The following NOTCH3 variants were observed in gnomAD, a reference collection of about 807,000 sequenced individuals.
The protein encoded by NOTCH3 is notch receptor 3.
In NOTCH3, 86 loss-of-function variants were observed where a neutral mutation model predicts 213.3. The ratio of observed to expected loss-of-function variants is 0.40; its 90% CI spans 0.34 to 0.48. The LOEUF (loss-of-function observed/expected upper bound fraction) is 0.48. Among genes scored for constraint, NOTCH3 ranks in the 20% least tolerant of loss-of-function variants. The pLI, the probability that NOTCH3 is intolerant of heterozygous loss-of-function variation, is 0.57. For synonymous variants in NOTCH3, 1,354 were observed against 1,355.9 expected (o/e 1.00, Z 0.03); for missense variants, 2,783 against 3,272.6 (o/e 0.85, Z 3.65).
Position 15,187,121 on chromosome 19 carries a change from G to A in NOTCH3, c.1824C>T (p.Cys608=), listed in dbSNP as rs1351272199. 1.2e-6 allele frequency: 2 copies of A among 1,614,026 alleles called. No individual in the cohort carries two copies. The highest frequency in any genetic ancestry group is 1.7e-6 in the Non-Finnish European group (2 of 1,179,984). Residue 608 remains cysteine (C), a synonymous_variant, in exon 11 of 33, where the codon TGC becomes TGT. Coordinates refer to ENST00000263388, the MANE Select transcript of NOTCH3 (RefSeq NM_000435.3). Reference sequence around the variant, plus strand: ...CGGTCCCACCTGTGGTCCCAGAAGGGCAGCGGCAGAGGTACTTGTCCACCA... The same window carrying A: ...CGGTCCCACCTGTGGTCCCAGAAGGACAGCGGCAGAGGTACTTGTCCACCA... The part of the protein sequence containing the change: ...LDLVDKYLCR[C]PSGTTGVNCE...
rs1458404732 is a variant in NOTCH3 at position 15,160,866 on chromosome 19, G to C, written c.6762C>G (p.His2254Gln). Residue 2254 changes from histidine (H) to glutamine (Q), a missense_variant, in exon 33 of 33, where the codon CAC (histidine) becomes CAG (glutamine). Transcript: ENST00000263388. Reference protein sequence around the residue: ...YLTPSPESPEHWASPSPPSLS... With the variant: ...YLTPSPESPEQWASPSPPSLS... ...GGGAGGGAGGTGAGGGGCTGGCCCA[G>C]TGCTCAGGGGATTCGGGGGATGGGG... 6.2e-7 allele frequency: 1 copy of C among 1,613,912 alleles called. No individual in the cohort carries two copies. Among genetic ancestry groups the C allele is most frequent in the Non-Finnish European group, 8.5e-7 (1 of 1,179,858 alleles).
intron 31 of NOTCH3, among the ~76,000 whole-genome samples, chr19:15,164,207 A>G (rs977552334): frequency 2.8e-5 from 4 of 143,328 alleles, no homozygotes; most frequent in Non-Finnish European, 6.0e-5. Context: ...CATGTTAATT[A>G]TATCTCAATA....
chr19:15,181,655 C>A lies in NOTCH3; in HGVS notation c.2713G>T (p.Val905Leu). Reference protein sequence around the residue: ...PCGPGTCTDHVASFTCTCPPG... With the variant: ...PCGPGTCTDHLASFTCTCPPG... The stretch of plus-strand genomic sequence containing the variant: ...GGGCAGGTGCAGGTGAAGGAGGCCA[C>A]GTGGTCGGTACAGGTGCCCGGGCCG... Residue 905 changes from valine (V) to leucine (L), a missense_variant, in exon 17 of 33, where the codon GTG becomes TTG. This residue lies in a region of NOTCH3 where 861 missense variants were observed against 909.1 expected (regional missense o/e 0.95). Transcript: ENST00000263388. 1.3e-6 allele frequency: 2 copies of A among 1,552,770 alleles called. No individual in the cohort carries two copies. Among genetic ancestry groups the A allele is most frequent in the Non-Finnish European group, 1.7e-6 (2 of 1,147,866 alleles).
Position 15,181,170 on chromosome 19 carries a change from G to T in NOTCH3, c.2793-8C>A, listed in dbSNP as rs960266832. The T allele has an allele frequency of 9.3e-6, 15 of 1,608,888 alleles. No homozygotes were observed. The highest frequency in any genetic ancestry group is 1.3e-5 in the Non-Finnish European group (15 of 1,178,294). On this transcript the variant is annotated splice_region_variant and splice_polypyrimidine_tract_variant and intron_variant, in intron 17 of 32. Transcript: ENST00000263388. ...CCGCCATTGAAGCAGGAGCTGGAGC[G>T]GAAGGAGTGGGAGGGAGGATCAGGC...
chr19:15,174,825 C>T (rs563792439), intron 24 of NOTCH3, among the ~76,000 whole-genome samples: 1 of 152,248 alleles, frequency 6.6e-6, no homozygotes, highest in African/African-American at 2.4e-5. Context: ...CCACCTGCCT[C>T]GGCCTCCCAA....
chr19:15,184,962 C>A lies in NOTCH3; in HGVS notation c.2354G>T (p.Arg785Leu). ...CTPNPCEHGGRCESAPGQLPV... is the reference protein window; with the variant it reads ...CTPNPCEHGGLCESAPGQLPV... ...CAGCTGGCCAGGGGCAGACTCGCAG[C>A]GGCCCCCATGCTCACAGGGGTTCGG... The change falls in exon 15 of 33, where the codon CGC (arginine) becomes CTC (leucine). Residue 785 changes from arginine (R) to leucine (L), a missense_variant. By Grantham distance (102) the Arg-to-Leu change is moderately radical. Around this residue, in one of 6 missense-constraint regions of NOTCH3, gnomAD observed 861 missense variants for 909.1 expected, o/e 0.95. Coordinates refer to ENST00000263388, the MANE Select transcript of NOTCH3 (RefSeq NM_000435.3). 10 of 1,547,870 alleles carry A rather than the reference C, an allele frequency of 6.5e-6. No individual in the cohort carries two copies. Among genetic ancestry groups the A allele is most frequent in the Non-Finnish European group, 8.7e-6 (10 of 1,145,122 alleles).
rs750631177 is a variant in NOTCH3, at chr19:15,160,927, C to T, written c.6701G>A (p.Arg2234His). ...GTGCTCACTGGGAACCCGCAGGAAG[C>T]GGGCCTTTGGGGGGCTGCTGTGTGC... Reference protein sequence around the residue: ...AGAHSSPPKARFLRVPSEHPY... With the variant: ...AGAHSSPPKAHFLRVPSEHPY... Residue 2234 changes from arginine (R) to histidine (H), a missense_variant, in exon 33 of 33, where the codon CGC becomes CAC. Physicochemically the swap from Arg to His is conservative, Grantham distance 29. Transcript: ENST00000263388. 2.7e-5 allele frequency: 43 copies of T among 1,603,308 alleles called. 1 individual carries two copies. The South Asian group carries it at 3.1e-4, about 12-fold the overall frequency.
chr19:15,176,934 T>C (rs1228199888), intron 24 of NOTCH3, among the ~76,000 whole-genome samples: 2 of 149,956 alleles, frequency 1.3e-5, no homozygotes, highest in Non-Finnish European at 3.0e-5. Flanking sequence ...AAGCCAGGCG[T>C]GGTGGCAGGT....
Position 15,191,777 on chromosome 19 carries a change from G to T in NOTCH3, c.770C>A (p.Thr257Asn). The T allele has an allele frequency of 1.2e-6, 2 of 1,613,932 alleles. No individual in the cohort carries two copies. Among genetic ancestry groups the T allele is most frequent in the Non-Finnish European group, 8.5e-7 (1 of 1,180,032 alleles). ...CTCAGGAGGGCACTGGCAGTTATAG[G>T]TGTTGACGCCATCCACGCATGTCCC... ...NGGTCVDGVN[T>N]YNCQCPPEWT... The change falls in exon 5 of 33, where the codon ACC becomes AAC. Residue 257 changes from threonine to asparagine, a missense_variant. Transcript: ENST00000263388.
At position 15,160,650 on chromosome 19, in the gene NOTCH3, C is replaced by T. The variant is rs923166130; in HGVS notation, c.*12G>A. On this transcript the variant is annotated 3_prime_UTR_variant, in exon 33 of 33. Transcript: ENST00000263388. Reference sequence around the variant, plus strand: ...TCTTTAGGCCCCCAAGATCTAAGAACTGACGAGCGTCTCAGGCCAACACTT... The same window carrying T: ...TCTTTAGGCCCCCAAGATCTAAGAATTGACGAGCGTCTCAGGCCAACACTT... 2 of 1,609,040 alleles carry T rather than the reference C, an allele frequency of 1.2e-6. No homozygotes were observed. Among genetic ancestry groups the T allele is most frequent in the African/African-American group, 1.3e-5 (1 of 74,802 alleles).
intron 31 of NOTCH3, among the ~76,000 whole-genome samples, chr19:15,163,732 G>A (rs1351759205): frequency 6.6e-6 from 1 of 152,150 alleles, no homozygotes; most frequent in Admixed American, 6.5e-5. Flanking sequence ...TCAGGAGGGT[G>A]GGATGGGAGG....
chr19:15,169,727 C>CA (rs1301276612), intron 28 of NOTCH3, among the ~76,000 whole-genome samples: 2 of 152,116 alleles, frequency 1.3e-5, no homozygotes, highest in African/African-American at 4.8e-5. Flanking sequence ...CCATGCTGGA[C>CA]AAAATAGGAA....
rs560752299 is a variant in NOTCH3, at chr19:15,185,665, C to G, written c.1966G>C (p.Val656Leu). ...CTGGAAGCACACTCATTGATCTCCA[C>G]GTTACAAAGGGGCCCTGGGGAGTAC... ...QPGFTGPLCN[V>L]EINECASSPC... The change falls in exon 13 of 33, where the codon GTG (valine) becomes CTG (leucine). Residue 656 changes from valine (V) to leucine (L), a missense_variant. Around this residue, in one of 6 missense-constraint regions of NOTCH3, gnomAD observed 861 missense variants for 909.1 expected, o/e 0.95. Transcript: ENST00000263388. This position sits in a 1 kb window ranked among gnomAD's most constrained non-coding sequence, Gnocchi z 4.2. 6.2e-7 allele frequency: 1 copy of G among 1,613,372 alleles called. No homozygotes were observed. The highest frequency in any genetic ancestry group is 1.3e-5 in the African/African-American group (1 of 75,024).
rs2145443503 is a variant in NOTCH3, at chr19:15,192,459, G to A, written c.258C>T (p.Pro86=). Residue 86 remains proline, a synonymous_variant, in exon 3 of 33, where the codon CCC becomes CCT. Coordinates refer to ENST00000263388, the MANE Select transcript of NOTCH3 (RefSeq NM_000435.3). ...TCTGGCAGACACCACGGCCAGCACAGGGGCCTGAGTGACAGGGGTCCTCCA... is the reference window on the plus strand; with the variant it reads ...TCTGGCAGACACCACGGCCAGCACAAGGGCCTGAGTGACAGGGGTCCTCCA... ...CQLEDPCHSG[P]CAGRGVCQSS... 6.2e-7 allele frequency: 1 copy of A among 1,611,622 alleles called. No individual in the cohort carries two copies. The highest frequency in any genetic ancestry group is 8.5e-7 in the Non-Finnish European group (1 of 1,179,582).
At position 15,180,846 on chromosome 19, in the gene NOTCH3, A is replaced by T; in HGVS notation, c.2995-18T>A. 2.5e-6 allele frequency: 4 copies of T among 1,612,242 alleles called. No homozygotes were observed. Among genetic ancestry groups the T allele is most frequent in the Non-Finnish European group, 3.4e-6 (4 of 1,179,452 alleles). On this transcript the variant is annotated intron_variant, in intron 18 of 32. Transcript: ENST00000263388. The stretch of plus-strand genomic sequence containing the variant: ...ACCAGCGTCTGGAGGGGAAGCACTC[A>T]GAGTCAGTACTGTGGGGTGGGGGGT...
In NOTCH3 at chr19:15,192,428, C is replaced by A. The variant is rs2046937349; in HGVS notation, c.289G>T (p.Val97Leu). The change falls in exon 3 of 33, where the codon GTG (valine) becomes TTG (leucine). Residue 97 changes from valine to leucine, a missense_variant. Around this residue, in one of 6 missense-constraint regions of NOTCH3, gnomAD observed 708 missense variants for 906.6 expected, o/e 0.78. Coordinates refer to ENST00000263388, the MANE Select transcript of NOTCH3 (RefSeq NM_000435.3). ...GAGAATCGGGCGGTGCCAGCCACCA[C>A]TGAACTCTGGCAGACACCACGGCCA... ...CAGRGVCQSS[V>L]VAGTARFSCR... 6.2e-7 allele frequency: 1 copy of A among 1,612,792 alleles called. No individual in the cohort carries two copies. Among genetic ancestry groups the A allele is most frequent in the South Asian group, 1.1e-5 (1 of 91,072 alleles).
chr19:15,165,995 A>T lies in NOTCH3; in HGVS notation c.5459T>A (p.Ile1820Asn). ...EDEADDTSAS[I>N]ISDLICQGAQ... ...CCCCTGGCAGATCAGGTCGGAGATG[A>T]TGCTAGCTGATGTGTCATCTGCCTC... Residue 1820 changes from isoleucine to asparagine, a missense_variant, in exon 30 of 33, where the codon ATC becomes AAC. Physicochemically the swap from Ile to Asn is moderately radical, Grantham distance 149 (BLOSUM62 -3). Transcript: ENST00000263388. The surrounding 1 kb of genome is among the most constrained non-coding windows in gnomAD (Gnocchi z 4.7). The T allele has an allele frequency of 6.2e-7, 1 of 1,614,160 alleles. No individual in the cohort carries two copies. The highest frequency in any genetic ancestry group is 1.1e-5 in the South Asian group (1 of 91,086).
intron 2 of NOTCH3, among the ~76,000 whole-genome samples, chr19:15,194,751 T>A (rs951004109): frequency 6.6e-6 from 1 of 150,396 alleles, no homozygotes; most frequent in Non-Finnish European, 1.5e-5. Context: ...ACATCAAGAG[T>A]TCGAGACCAG....
Position 15,165,818 on chromosome 19 carries a change from G to A in NOTCH3, c.5636C>T (p.Ala1879Val), listed in dbSNP as rs1256998366. The part of the protein sequence containing the change: ...DHSGRTPLHT[A>V]VTADAQGVFQ... ...GACACCCTGGGCATCGGCTGTGACA[G>A]CTGTGTGCAGGGGAGTGCGGCCTGA... Residue 1879 changes from alanine to valine, a missense_variant, in exon 30 of 33, where the codon GCT becomes GTT. Physicochemically the swap from Ala to Val is moderately conservative, Grantham distance 64. Coordinates refer to ENST00000263388, the MANE Select transcript of NOTCH3 (RefSeq NM_000435.3). This position sits in a 1 kb window ranked among gnomAD's most constrained non-coding sequence, Gnocchi z 4.7. 1 of 1,613,454 alleles carries A rather than the reference G, an allele frequency of 6.2e-7. No homozygotes were observed. Among genetic ancestry groups the A allele is most frequent in the Non-Finnish European group, 8.5e-7 (1 of 1,180,044 alleles).
Sources: gnomAD v4.1 joint callset for allele counts (sites outside exome capture counted in the v4.1 genomes callset) on GRCh38, gnomAD v4.1.1 for gene constraint, gnomAD v4.1.1 regional missense constraint, Gnocchi (gnomAD v3.1) non-coding constraint, MANE v1.5 for transcripts, NCBI Gene and HGNC (gene_info 2026-07-23, HGNC 2026-07-21) for gene names.